Variants in TANC1 observed in about 807,000 individuals in gnomAD.
The protein encoded by TANC1 is tetratricopeptide repeat, ankyrin repeat and coiled-coil containing 1, also known as protein TANC1.
In TANC1, 77 loss-of-function variants were observed where a neutral mutation model predicts 149.7. That is an observed-to-expected ratio of 0.51 (90% CI 0.43 to 0.62). TANC1 has a LOEUF of 0.62. TANC1 is among the 20% of genes least tolerant of loss of function. The probability of loss-of-function intolerance (pLI) is 0.00; values close to 1 mark genes in which losing one functional copy is unlikely to be tolerated. For missense variants in TANC1, 1,985 were observed against 2,321.8 expected (o/e 0.85, Z 2.98); for synonymous variants, 854 against 925.0 (o/e 0.92, Z 1.39).
intron 4 of TANC1, among the ~76,000 whole-genome samples, chr2:159,127,755 G>A (rs2049617416): frequency 1.3e-5 from 2 of 152,360 alleles, no homozygotes; most frequent in African/African-American, 2.4e-5. Context: ...GCTAATGTAT[G>A]TGGGGCTTAA....
intron 2 of TANC1, among the ~76,000 whole-genome samples, chr2:159,026,329 GTCC>G (rs1390053749): frequency 1.3e-5 from 2 of 152,184 alleles, no homozygotes; most frequent in African/African-American, 2.4e-5. Context: ...CCAGCTCAGT[GTCC>G]TTACTCAGAT....
At chr2:159,117,921 G>A (rs1385417399) in intron 4 of TANC1, among the ~76,000 whole-genome samples, 1 of 105,136 alleles carries the variant, frequency 9.5e-6, no homozygotes, top group Non-Finnish European at 2.0e-5. Context: ...GAGTTTTTCT[G>A]TACTGGAGTT....
intron 4 of TANC1, among the ~76,000 whole-genome samples, chr2:159,118,641 G>A (rs264590): frequency 0.85 from 129,595 of 152,100 alleles, 56,229 homozygotes; most frequent in Non-Finnish European, 0.93. Context: ...CCATATGTGT[G>A]TTACCTGAAA....
At chr2:159,186,862 G>A in intron 15 of TANC1, 40 bp from the exon 16 acceptor site, 1 of 1,613,558 alleles carries the variant, frequency 6.2e-7, no homozygotes, top group Non-Finnish European at 8.5e-7. Flanking sequence ...AGGCAGATCT[G>A]TCTCTGATTG....
chr2:159,131,509 C>G (rs1199861768), intron 4 of TANC1, among the ~76,000 whole-genome samples: 1 of 149,712 alleles, frequency 6.7e-6, no homozygotes, highest in Non-Finnish European at 1.5e-5. Context: ...ATCACTCCCC[C>G]TCCCCCCGCC....
At chr2:158,993,154 T>A (rs1209044966) in intron 1 of TANC1, among the ~76,000 whole-genome samples, 1 of 152,010 alleles carries the variant, frequency 6.6e-6, no homozygotes, top group African/African-American at 2.4e-5. Flanking sequence ...AGGAAAGGAG[T>A]CAGATTAAAC....
chr2:159,166,097 C>T (rs1003614507), intron 8 of TANC1, among the ~76,000 whole-genome samples: 1 of 152,132 alleles, frequency 6.6e-6, no homozygotes, highest in African/African-American at 2.4e-5. Flanking sequence ...CATCAAAATG[C>T]ATGACATGGA....
At chr2:159,140,413 C>G (rs953109356) in intron 5 of TANC1, among the ~76,000 whole-genome samples, 3 of 152,022 alleles carry the variant, frequency 2.0e-5, no homozygotes, top group Admixed American at 1.3e-4. Context: ...AAGGGGCATA[C>G]CTGGTATGTG....
intron 2 of TANC1, among the ~76,000 whole-genome samples, chr2:159,035,707 A>G (rs1360753868): frequency 6.6e-6 from 1 of 152,220 alleles, no homozygotes; most frequent in Non-Finnish European, 1.5e-5. Context: ...TCTCATCACC[A>G]CAAAAACAGG....
chr2:159,016,504 C>A (rs925633246), intron 2 of TANC1, among the ~76,000 whole-genome samples: 2 of 152,126 alleles, frequency 1.3e-5, no homozygotes, highest in African/African-American at 2.4e-5. Context: ...CTTTCTGTCT[C>A]CTAATTCAGT....
chr2:159,024,577 C>T (rs751021532), intron 2 of TANC1, among the ~76,000 whole-genome samples: 4 of 152,056 alleles, frequency 2.6e-5, no homozygotes, highest in Non-Finnish European at 5.9e-5. Context: ...ATGGTGAAAC[C>T]CCGTCTCTAC....
chr2:159,107,638 T>C (rs1166956419), intron 4 of TANC1, among the ~76,000 whole-genome samples: 1 of 152,178 alleles, frequency 6.6e-6, no homozygotes, highest in Admixed American at 6.5e-5. Flanking sequence ...ACCAAATCAT[T>C]GTTGTGCCTT....
chr2:159,032,832 C>T (rs1339711995), intron 2 of TANC1, among the ~76,000 whole-genome samples: 1 of 152,064 alleles, frequency 6.6e-6, no homozygotes, highest in East Asian at 1.9e-4. Context: ...CAGATTTTGG[C>T]AGCTTTGAAG....
intron 2 of TANC1, among the ~76,000 whole-genome samples, chr2:159,024,220 A>G (rs559857994): frequency 1.3e-5 from 2 of 152,364 alleles, no homozygotes; most frequent in South Asian, 4.1e-4. Context: ...CCGTAAGATT[A>G]TAATAGGAAC....
At chr2:159,084,728 T>C (rs1365417858) in intron 3 of TANC1, among the ~76,000 whole-genome samples, 2 of 152,216 alleles carry the variant, frequency 1.3e-5, no homozygotes, top group African/African-American at 4.8e-5. Flanking sequence ...CTGACAATTA[T>C]CACTCAGGGA....
At position 159,178,844 on chromosome 2, in the gene TANC1, G is replaced by A. The variant is rs761444409; in HGVS notation, c.2191G>A (p.Val731Met). The change falls in exon 14 of 27, where the codon GTG (valine) becomes ATG (methionine). Residue 731 changes from valine (V) to methionine (M), a missense_variant. Val to Met is a conservative substitution (Grantham distance 21, BLOSUM62 1). Around this residue, in one of 3 missense-constraint regions of TANC1, gnomAD observed 508 missense variants for 714.2 expected, o/e 0.71. Coordinates refer to ENST00000263635, the MANE Select transcript of TANC1 (RefSeq NM_033394.3). ...IKSASYKVVPVSLSELYLLQC... is the reference protein window; with the variant it reads ...IKSASYKVVPMSLSELYLLQC... ...GAGTGCCAGCTACAAGGTGGTGCCC[G>A]TGTCTCTCTCTGAGCTCTATTTGCT... 6.8e-6 allele frequency: 11 copies of A among 1,614,060 alleles called. No individual in the cohort carries two copies. Among genetic ancestry groups the A allele is most frequent in the Admixed American group, 3.3e-5 (2 of 59,998 alleles).
chr2:159,046,839 A>G (rs549340915), intron 2 of TANC1, among the ~76,000 whole-genome samples: 2 of 151,780 alleles, frequency 1.3e-5, no homozygotes, highest in Admixed American at 6.6e-5. Flanking sequence ...TCTGAGTTCT[A>G]GCGATCCACT....
intron 3 of TANC1, among the ~76,000 whole-genome samples, chr2:159,075,065 A>G (rs1420382822): frequency 6.6e-6 from 1 of 152,192 alleles, no homozygotes; most frequent in Non-Finnish European, 1.5e-5. Context: ...AACACAATTC[A>G]TCTATAGCAC....
chr2:159,030,433 C>T (rs956982754), intron 2 of TANC1, among the ~76,000 whole-genome samples: 13 of 152,154 alleles, frequency 8.5e-5, no homozygotes, highest in Non-Finnish European at 1.8e-4. Flanking sequence ...TGCACATACA[C>T]ATTTATTTTT....
Sources: allele counts gnomAD v4.1 joint callset (sites outside exome capture counted in the v4.1 genomes callset), GRCh38; gene constraint gnomAD v4.1.1; regional missense constraint gnomAD v4.1.1; transcripts MANE v1.5; gene names NCBI Gene and HGNC (gene_info 2026-07-23, HGNC 2026-07-21).